Variants in LDLRAD4 observed in about 807,000 individuals in gnomAD.
LDLRAD4 encodes low-density lipoprotein receptor class A domain-containing protein 4.
In LDLRAD4, 5 loss-of-function variants were observed where a neutral mutation model predicts 17.0. The ratio of observed to expected loss-of-function variants is 0.29; its 90% CI spans 0.15 to 0.62. The LOEUF (loss-of-function observed/expected upper bound fraction) is 0.62. Ranked by LOEUF, LDLRAD4 falls within the 20% of genes least tolerant of loss-of-function variation. The pLI is 0.84. For synonymous variants in LDLRAD4, 168 were observed against 171.8 expected, an observed-to-expected ratio of 0.98 and a Z score of 0.17; for missense variants, 340 against 424.7, an observed-to-expected ratio of 0.80 and a Z score of 1.75.
chr18:13,483,413 TGCCCCTGCCTGGACA>T (rs1478071499), intron 3 of LDLRAD4, among the ~76,000 whole-genome samples: 21 of 152,338 alleles, frequency 1.4e-4, no homozygotes, highest in Admixed American at 5.2e-4. Flanking sequence ...ACACTTGTGC[TGCCCCTGCCTGGACA>T]GACCCCTGGA....
chr18:13,412,599 G>A (rs539549434), intron 2 of LDLRAD4, among the ~76,000 whole-genome samples: 120 of 152,296 alleles, frequency 7.9e-4, no homozygotes, highest in South Asian at 1.4e-3. Context: ...GGTTCAGACA[G>A]GGTCCCCGAC....
chr18:13,224,474 C>CTTTTTTTTTTTTTTTTTTTT (rs10676168), intron 1 of LDLRAD4, among the ~76,000 whole-genome samples: 1 of 87,880 alleles, frequency 1.1e-5, no homozygotes, highest in Non-Finnish European at 2.0e-5. Context: ...TTCTTTCTTT[C>CTTTTTTTTTTTTTTTTTTTT]TTTTTTTTTT....
chr18:13,579,256 G>A (rs548407235), intron 3 of LDLRAD4, among the ~76,000 whole-genome samples: 1 of 152,166 alleles, frequency 6.6e-6, no homozygotes, highest in Admixed American at 6.5e-5. Context: ...TATGAATGTG[G>A]GAAATATCTA....
chr18:13,446,795 A>G (rs936253951), intron 3 of LDLRAD4, among the ~76,000 whole-genome samples: 2 of 152,140 alleles, frequency 1.3e-5, no homozygotes, highest in African/African-American at 4.8e-5. Context: ...CCTCAGCCAC[A>G]TGTGGGCTTT....
rs148498158 is a variant in LDLRAD4, at chr18:13,219,390, T to G, written c.-467+402T>G. Among the ~76,000 whole-genome samples the G allele has an allele frequency of 2.6e-4, 39 of 152,352 alleles. No individual in the cohort carries two copies. In the East Asian group the frequency reaches 7.3e-3, roughly 29 times the overall value. The stretch of plus-strand genomic sequence containing the variant: ...TAGAATTAGATAATTTTGATTTGCT[T>G]CTTTTCTTTTCCTCTGTGTCTTGGT... On this transcript the variant is annotated intron_variant, in intron 1 of 5. Transcript: ENST00000399848.
chr18:13,457,390 C>T (rs915966718), intron 3 of LDLRAD4, among the ~76,000 whole-genome samples: 6 of 152,328 alleles, frequency 3.9e-5, no homozygotes, highest in Admixed American at 6.5e-5. Context: ...CTGCATGTTC[C>T]GCCATCCAGA....
chr18:13,223,212 G>A (rs930981311), intron 1 of LDLRAD4, among the ~76,000 whole-genome samples: 1 of 152,168 alleles, frequency 6.6e-6, no homozygotes, highest in Non-Finnish European at 1.5e-5. Context: ...TGGCGTTAAG[G>A]TAGGGAAGGG....
chr18:13,588,571 G>GT (rs917066888), intron 3 of LDLRAD4, among the ~76,000 whole-genome samples: 58 of 149,384 alleles, frequency 3.9e-4, no homozygotes, highest in Middle Eastern at 3.5e-3. Flanking sequence ...CCCTTAGCAT[G>GT]TTATTTTTTT....
intron 2 of LDLRAD4, among the ~76,000 whole-genome samples, chr18:13,418,844 C>CCTTGA (rs2089182890): frequency 6.6e-6 from 1 of 152,162 alleles, no homozygotes; most frequent in African/African-American, 2.4e-5. Context: ...TGGTTCCCAC[C>CCTTGA]CTTGGGAAGC....
At position 13,348,924 on chromosome 18, in the gene LDLRAD4, C is replaced by T. The variant is rs147146834; in HGVS notation, c.-382-38417C>T. 6.0e-4 allele frequency among the ~76,000 whole-genome samples: 91 copies of T among 152,302 alleles called. 2 individuals are homozygous for T. The East Asian group carries it at 0.012, about 20-fold the overall frequency. On this transcript the variant is annotated intron_variant, in intron 1 of 5. Coordinates refer to ENST00000359446, the Ensembl canonical transcript of LDLRAD4. ...ATGTTTGCTAAGACCATTGGAAAAG[C>T]GCAGCATTAGGGTGGGAGAGTGACC... is the stretch of plus-strand genomic sequence containing the variant.
intron 3 of LDLRAD4, chr18:13,460,032 C>T (rs1252034082): frequency 4.5e-5 from 7 of 154,052 alleles, no homozygotes; most frequent in Admixed American, 2.6e-4. Flanking sequence ...GCCCCCACGT[C>T]GTCACGCCAT....
At chr18:13,493,803 C>T (rs933565601) in intron 3 of LDLRAD4, among the ~76,000 whole-genome samples, 1 of 152,182 alleles carries the variant, frequency 6.6e-6, no homozygotes, top group Non-Finnish European at 1.5e-5. Context: ...CAGAGGGAGG[C>T]GGTCAAAGCC....
intron 3 of LDLRAD4, among the ~76,000 whole-genome samples, chr18:13,570,679 C>T (rs1287360121): frequency 2.0e-5 from 3 of 152,244 alleles, no homozygotes; most frequent in African/African-American, 2.4e-5. Context: ...AAGAGCCTCA[C>T]TCTGGAGCCT....
intron 4 of LDLRAD4, chr18:13,642,058 G>C: frequency 1.0e-6 from 1 of 985,596 alleles, no homozygotes; most frequent in African/African-American, 1.7e-5. Flanking sequence ...GTGCCTGCCA[G>C]GCCGGGCCCT....
intron 3 of LDLRAD4, among the ~76,000 whole-genome samples, chr18:13,540,182 T>C (rs2094256187): frequency 6.6e-6 from 1 of 152,244 alleles, no homozygotes; most frequent in Non-Finnish European, 1.5e-5. Context: ...AATTTATCTG[T>C]GTTTGTCTTT....
At chr18:13,450,251 G>A (rs2091718508) in intron 3 of LDLRAD4, among the ~76,000 whole-genome samples, 1 of 151,044 alleles carries the variant, frequency 6.6e-6, no homozygotes, top group African/African-American at 2.4e-5. Context: ...CTGGTTCAGT[G>A]TCTGCTCTCA....
intron 3 of LDLRAD4, among the ~76,000 whole-genome samples, chr18:13,499,204 C>T (rs551862615): frequency 2.0e-5 from 3 of 150,042 alleles, no homozygotes; most frequent in Admixed American, 2.0e-4. Flanking sequence ...ACACATCCCG[C>T]TGTGGATACT....
chr18:13,354,921 A>T (rs892712949), intron 1 of LDLRAD4, among the ~76,000 whole-genome samples: 5 of 152,182 alleles, frequency 3.3e-5, no homozygotes, highest in South Asian at 4.1e-4. Context: ...ACTCATCTTC[A>T]AGGAGGTTCT....
chr18:13,231,168 G>T (rs1238558701), intron 1 of LDLRAD4, among the ~76,000 whole-genome samples: 1 of 152,194 alleles, frequency 6.6e-6, no homozygotes, highest in Non-Finnish European at 1.5e-5. Context: ...GTTCAGAGGC[G>T]TATAGATGTC....
Sources: gnomAD v4.1 joint callset for allele counts (sites outside exome capture counted in the v4.1 genomes callset) on GRCh38, gnomAD v4.1.1 for gene constraint, MANE v1.5 for transcripts, NCBI Gene and HGNC (gene_info 2026-07-23, HGNC 2026-07-21) for gene names.